ANO1: variants seen among roughly 807,000 people sequenced by gnomAD.
The protein encoded by ANO1 is anoctamin 1.
In ANO1, 59 loss-of-function variants were observed where a neutral mutation model predicts 124.0. That is an observed-to-expected ratio of 0.48 (90% confidence interval 0.39 to 0.59). The LOEUF is 0.59. ANO1 is among the 20% of genes least tolerant of loss of function. ANO1 has a pLI of 0.00. For synonymous variants in ANO1, 529 were observed against 532.0 expected, an observed-to-expected ratio of 0.99 and a Z score of 0.08; for missense variants, 1,059 against 1,328.0, an observed-to-expected ratio of 0.80 and a Z score of 3.15.
At chr11:70,075,095 C>G (rs2044042055), upstream of ANO1, 2 of 152,228 alleles carry the variant, frequency 1.3e-5, no homozygotes, top group African/African-American at 4.8e-5. Flanking sequence ...TAACCAGTCC[C>G]TGTGTCTCCA....
At chr11:70,049,174 GA>G (rs1417336161) in intron 1 of ANO1, among the ~76,000 whole-genome samples, 5 of 152,076 alleles carry the variant, frequency 3.3e-5, no homozygotes, top group African/African-American at 1.2e-4. Flanking sequence ...ACCATGACCC[GA>G]CATGAAGTGG....
chr11:70,178,235 G>C (rs2048801384), intron 22 of ANO1, among the ~76,000 whole-genome samples: 1 of 152,232 alleles, frequency 6.6e-6, no homozygotes, highest in Non-Finnish European at 1.5e-5. Context: ...GGTCGGAAGT[G>C]TTTCCACTCC....
Position 70,161,240 on chromosome 11 carries a change from C to A in ANO1, c.1658C>A (p.Ser553Tyr). Reference sequence around the variant, plus strand: ...GCCGCCGCCTTGGCCATGAACTCCTCCCCCTCCGTGCGGTCCAACATCCGG... The same window carrying A: ...GCCGCCGCCTTGGCCATGAACTCCTACCCCTCCGTGCGGTCCAACATCCGG... ...SMAAALAMNS[S>Y]PSVRSNIRVT... Residue 553 changes from serine (S) to tyrosine (Y), a missense_variant, in exon 17 of 26, where the codon TCC becomes TAC. By Grantham distance (144) the Ser-to-Tyr change is moderately radical (BLOSUM62 -2). Transcript: ENST00000355303. 1 of 1,613,760 alleles carries A rather than the reference C, an allele frequency of 6.2e-7. No homozygotes were observed.
At position 70,039,759 on chromosome 11, in the gene ANO1, T is replaced by A. The variant is rs1400541984; in HGVS notation, c.59-38783T>A. Among the ~76,000 whole-genome samples, 5 of 152,292 alleles carry A rather than the reference T, an allele frequency of 3.3e-5. No homozygotes were observed. The East Asian group carries it at 9.7e-4, about 29-fold the overall frequency. The stretch of plus-strand genomic sequence containing the variant: ...TGATCGCTGTCATTTCTCTTCAAAA[T>A]GAGGACTCCAAAGAGCAATAGAACA... On this transcript the variant is annotated intron_variant, in intron 1 of 27. Coordinates refer to the ANO1 transcript ENST00000531349.
chr11:70,062,930 T>C (rs1857626048), intron 1 of ANO1, among the ~76,000 whole-genome samples: 1 of 151,908 alleles, frequency 6.6e-6, no homozygotes. Context: ...TTGTTGTTTG[T>C]TGTTGTTGTT....
chr11:70,149,098 G>A (rs1271374040), intron 11 of ANO1, among the ~76,000 whole-genome samples: 1 of 152,204 alleles, frequency 6.6e-6, no homozygotes, highest in East Asian at 1.9e-4. Context: ...CGTTCCTCCT[G>A]ACCTCCGAAC....
At chr11:69,971,462 GTA>G in the ANO1 span, among the ~76,000 whole-genome samples, 1 of 152,272 alleles carries the variant, frequency 6.6e-6, no homozygotes, top group East Asian at 1.9e-4. Flanking sequence ...GGTTGAATTT[GTA>G]TAGAGGCCAC....
chr11:70,108,837 C>G (rs765543833), intron 6 of ANO1, among the ~76,000 whole-genome samples: 29 of 152,172 alleles, frequency 1.9e-4, no homozygotes, highest in Non-Finnish European at 3.4e-4. Context: ...AAAGCAGCGC[C>G]CCCTGACCAG....
intron 1 of ANO1, among the ~76,000 whole-genome samples, chr11:69,992,641 T>A (rs1856179633): frequency 6.6e-6 from 1 of 152,196 alleles, no homozygotes; most frequent in Non-Finnish European, 1.5e-5. Context: ...AGGTCCTCAC[T>A]AATTCAGCTG....
chr11:70,184,286 A>G (rs1024470368), intron 24 of ANO1, among the ~76,000 whole-genome samples: 7 of 152,122 alleles, frequency 4.6e-5, no homozygotes, highest in African/African-American at 1.7e-4. Flanking sequence ...CAGAGACCTC[A>G]CCCTGCCCCC....
chr11:70,019,884 T>C (rs1380067992), intron 1 of ANO1, among the ~76,000 whole-genome samples: 14 of 152,264 alleles, frequency 9.2e-5, no homozygotes, highest in Non-Finnish European at 2.9e-5. Flanking sequence ...AACCGTCATC[T>C]TCCTGGCTTC....
intron 2 of ANO1, among the ~76,000 whole-genome samples, chr11:70,097,928 G>T (rs926815815): frequency 2.0e-5 from 3 of 152,328 alleles, no homozygotes; most frequent in Non-Finnish European, 2.9e-5. Flanking sequence ...CTGGAAGCTG[G>T]TGCCAACGGG....
At chr11:69,969,347 G>A in the ANO1 span, among the ~76,000 whole-genome samples, 1 of 152,176 alleles carries the variant, frequency 6.6e-6, no homozygotes, top group African/African-American at 2.4e-5. Flanking sequence ...CTGGATCCTG[G>A]TGCTGGGACT....
chr11:70,004,834 C>T (rs1010022769), intron 1 of ANO1, among the ~76,000 whole-genome samples: 6 of 152,078 alleles, frequency 3.9e-5, no homozygotes, highest in African/African-American at 7.2e-5. Flanking sequence ...TGACAGAGGC[C>T]GGGCGCTGTG....
chr11:70,105,796 T>C lies in ANO1; in HGVS notation c.747+8T>C. On this transcript the variant is annotated splice_region_variant and intron_variant, in intron 5 of 25. Coordinates refer to ENST00000355303, the MANE Select transcript of ANO1 (RefSeq NM_018043.7). The stretch of plus-strand genomic sequence containing the variant: ...AAAACCCGGAGCACGATTGTAAGTA[T>C]CGCACGCGCCTGGAAACGGCTCACT... 6.2e-7 allele frequency: 1 copy of C among 1,612,910 alleles called. No homozygotes were observed. Among genetic ancestry groups the C allele is most frequent in the Non-Finnish European group, 8.5e-7 (1 of 1,179,248 alleles).
chr11:70,111,994 G>A (rs2045802176), intron 7 of ANO1, among the ~76,000 whole-genome samples: 1 of 151,602 alleles, frequency 6.6e-6, no homozygotes. Context: ...GGGCACGGGT[G>A]GCAGCTGCTC....
intron 1 of ANO1, among the ~76,000 whole-genome samples, chr11:69,991,524 C>T (rs981898612): frequency 2.6e-5 from 4 of 152,196 alleles, no homozygotes; most frequent in Admixed American, 2.0e-4. Context: ...CACCATGCCA[C>T]CTGCAGTGAT....
intron 2 of ANO1, among the ~76,000 whole-genome samples, chr11:70,088,991 G>A (rs748657213): frequency 9.8e-5 from 15 of 152,330 alleles, no homozygotes; most frequent in East Asian, 9.6e-4. Context: ...CTGCGGGGCC[G>A]AGGGTGCAGC....
intron 2 of ANO1, among the ~76,000 whole-genome samples, chr11:70,098,261 T>C (rs922150081): frequency 1.3e-5 from 2 of 152,194 alleles, no homozygotes; most frequent in African/African-American, 2.4e-5. Context: ...CGGGGATTTG[T>C]CCAGGTGTTC....
Sources: gnomAD v4.1 joint callset for allele counts (sites outside exome capture counted in the v4.1 genomes callset) on GRCh38, gnomAD v4.1.1 for gene constraint, MANE v1.5 for transcripts, NCBI Gene and HGNC (gene_info 2026-07-23, HGNC 2026-07-21) for gene names.